Variants in SNAPC1 observed in about 807,000 individuals in gnomAD.
SNAPC1 encodes snRNA-activating protein complex subunit 1.
SNAPC1 carries 42 observed loss-of-function variants against 50.1 expected under a neutral mutation model. That is an observed-to-expected ratio of 0.84 (90% CI 0.65 to 1.08). The LOEUF (loss-of-function observed/expected upper bound fraction) is 1.08, where lower values mean the gene tolerates loss of function less well. Ranked by LOEUF, SNAPC1 falls within the 50% of genes least tolerant of loss-of-function variation. The pLI is 0.00. For synonymous variants in SNAPC1, 164 were observed against 144.2 expected, an observed-to-expected ratio of 1.14 and a Z score of -0.98; for missense variants, 477 against 427.3, an observed-to-expected ratio of 1.12 and a Z score of -1.02.
intron 5 of SNAPC1, among the ~76,000 whole-genome samples, chr14:61,776,988 A>G (rs976274667): frequency 6.6e-6 from 1 of 152,350 alleles, no homozygotes; most frequent in African/African-American, 2.4e-5. Flanking sequence ...TACTTTTGAA[A>G]CTATTACTCC....
chr14:61,782,474 C>A, intron 8 of SNAPC1, 77 bp downstream of exon 8: 1 of 1,126,456 alleles, frequency 8.9e-7, no homozygotes, highest in Non-Finnish European at 1.3e-6. Flanking sequence ...TGTTTATTTC[C>A]TTGTTAAGAA....
intron 1 of SNAPC1, among the ~76,000 whole-genome samples, chr14:61,765,932 C>T (rs990681537): frequency 6.6e-6 from 1 of 152,124 alleles, no homozygotes; most frequent in Admixed American, 6.5e-5. Flanking sequence ...TTTTTCGCCT[C>T]GGCTTCGCAA....
At chr14:61,778,337 C>T (rs911516125) in intron 6 of SNAPC1, among the ~76,000 whole-genome samples, 197 bp downstream of exon 6, 10 of 151,588 alleles carry the variant, frequency 6.6e-5, no homozygotes, top group African/African-American at 2.4e-4. Context: ...TAATAATTTT[C>T]CGCAGGGAAA....
At chr14:61,780,901 C>A (rs1231195163) in intron 7 of SNAPC1, among the ~76,000 whole-genome samples, 2 of 151,604 alleles carry the variant, frequency 1.3e-5, no homozygotes, top group Admixed American at 1.3e-4. Flanking sequence ...AAAAAAAATG[C>A]ATCTGTACCA....
At chr14:61,782,726 A>C (rs1429486925) in intron 8 of SNAPC1, among the ~76,000 whole-genome samples, 1 of 152,104 alleles carries the variant, frequency 6.6e-6, no homozygotes, top group Non-Finnish European at 1.5e-5. Flanking sequence ...CCTGGCCAAC[A>C]TGGTGAAACC....
chr14:61,780,229 G>A (rs747426785), intron 7 of SNAPC1, among the ~76,000 whole-genome samples: 7 of 152,112 alleles, frequency 4.6e-5, no homozygotes, highest in Non-Finnish European at 7.4e-5. Flanking sequence ...TCAGCCACGA[G>A]GCTCACCATT....
chr14:61,785,213 G>A (rs2045106456), intron 8 of SNAPC1, among the ~76,000 whole-genome samples: 1 of 152,138 alleles, frequency 6.6e-6, no homozygotes, highest in Non-Finnish European at 1.5e-5. Context: ...GACCAGCCTG[G>A]CCAACATGGA....
chr14:61,780,052 C>T (rs1302953710), intron 7 of SNAPC1, among the ~76,000 whole-genome samples: 1 of 152,088 alleles, frequency 6.6e-6, no homozygotes, highest in Non-Finnish European at 1.5e-5. Context: ...CCTCAGATGT[C>T]TTTTCATATT....
intron 4 of SNAPC1, among the ~76,000 whole-genome samples, chr14:61,774,404 G>T (rs1045698506): frequency 6.6e-6 from 1 of 152,014 alleles, no homozygotes; most frequent in African/African-American, 2.4e-5. Context: ...GTACAAATGC[G>T]AAACATGAAC....
At chr14:61,766,068 A>T (rs1379936210) in intron 1 of SNAPC1, among the ~76,000 whole-genome samples, 1 of 152,258 alleles carries the variant, frequency 6.6e-6, no homozygotes, top group African/African-American at 2.4e-5. Context: ...ATAGTAACTT[A>T]TCTTAGAAGC....
chr14:61,783,205 T>G (rs992959971), intron 8 of SNAPC1, among the ~76,000 whole-genome samples: 5 of 151,320 alleles, frequency 3.3e-5, no homozygotes, highest in Non-Finnish European at 5.9e-5. Flanking sequence ...TTTTGTATTT[T>G]TTTTTAGTAG....
At chr14:61,783,544 T>TTG in intron 8 of SNAPC1, among the ~76,000 whole-genome samples, 1 of 145,140 alleles carries the variant, frequency 6.9e-6, no homozygotes, top group East Asian at 2.0e-4. Flanking sequence ...TTTTTTTTTT[T>TTG]TTTTTTCTTG....
rs1429640344 is a variant in SNAPC1 at position 61,774,654 on chromosome 14, T to C, written c.535-1441T>C. 2.0e-3 allele frequency among the ~76,000 whole-genome samples: 188 copies of C among 92,610 alleles called. 9 individuals carry two copies. The highest frequency in any genetic ancestry group is 8.4e-3 in the African/African-American group (179 of 21,242). The allele number at this position is 92,610 out of a possible 152,430, so 60.8% of individuals were successfully genotyped here. Reference sequence around the variant, plus strand: ...CACTATTGATCAGTTTCTCATTTTTTTTTTTTTTTTTTTTTTTTTTTTTTG... The same window carrying C: ...CACTATTGATCAGTTTCTCATTTTTCTTTTTTTTTTTTTTTTTTTTTTTTG... On this transcript the variant is annotated intron_variant, in intron 4 of 9. Coordinates refer to ENST00000216294, the MANE Select transcript of SNAPC1 (RefSeq NM_003082.4).
At chr14:61,770,889 G>T (rs978047863) in intron 4 of SNAPC1, among the ~76,000 whole-genome samples, 1 of 152,006 alleles carries the variant, frequency 6.6e-6, no homozygotes, top group African/African-American at 2.4e-5. Flanking sequence ...CTACAGGTAC[G>T]CACCACCACA....
At chr14:61,789,242 A>AC (rs1445612023) in intron 8 of SNAPC1, among the ~76,000 whole-genome samples, 1 of 152,120 alleles carries the variant, frequency 6.6e-6, no homozygotes, top group African/African-American at 2.4e-5. Context: ...AAAAAAAAAA[A>AC]AAAAGGCTAG....
chr14:61,775,544 A>G (rs1015475524), intron 4 of SNAPC1, among the ~76,000 whole-genome samples: 2 of 152,126 alleles, frequency 1.3e-5, no homozygotes, highest in Admixed American at 6.5e-5. Context: ...GTGAGCCACC[A>G]CACCTGGCCT....
chr14:61,777,760 A>G (rs370745761), intron 5 of SNAPC1, among the ~76,000 whole-genome samples: 1 of 152,096 alleles, frequency 6.6e-6, no homozygotes, highest in African/African-American at 2.4e-5. Flanking sequence ...CTCTTTTAAT[A>G]GATAAACTCT....
At chr14:61,782,128 T>C (rs2045079472) in intron 7 of SNAPC1, 119 bp from the exon 8 acceptor site, 2 of 775,958 alleles carry the variant, frequency 2.6e-6, no homozygotes, top group Admixed American at 3.1e-5. Context: ...TAAAGTACTT[T>C]ATGACAGATA....
In SNAPC1 at chr14:61,762,589, G is replaced by T. The variant is rs758557362; in HGVS notation, c.128+1G>T. ...ACATGAAGTTCGGGACTATCTTCTG[G>T]TGGGTGTTTCTTGTCCACCACCCGC... is the stretch of plus-strand genomic sequence containing the variant. On this transcript the variant is annotated splice_donor_variant, in intron 1 of 9. Transcript: ENST00000216294. LOFTEE classifies it high-confidence loss of function. 6.2e-7 allele frequency: 1 copy of T among 1,613,118 alleles called. No homozygotes were observed. The highest frequency in any genetic ancestry group is 1.1e-5 in the South Asian group (1 of 91,018).
Sources: allele counts gnomAD v4.1 joint callset (sites outside exome capture counted in the v4.1 genomes callset), GRCh38; gene constraint gnomAD v4.1.1; transcripts MANE v1.5; gene names NCBI Gene and HGNC (gene_info 2026-07-23, HGNC 2026-07-21).